Variants in COL24A1 observed in about 807,000 individuals in gnomAD.
The protein encoded by COL24A1 is collagen alpha-1(XXIV) chain.
In COL24A1, 224 loss-of-function variants were observed where a neutral mutation model predicts 253.9. The ratio of observed to expected loss-of-function variants is 0.88; its 90% confidence interval spans 0.79 to 0.99. The LOEUF (loss-of-function observed/expected upper bound fraction) is 0.99, where lower values mean the gene tolerates loss of function less well. Ranked by LOEUF, COL24A1 falls within the 50% of genes least tolerant of loss-of-function variation. The pLI is 0.00. For synonymous variants in COL24A1, 685 were observed against 673.7 expected (o/e 1.02, Z -0.26); for missense variants, 2,131 against 2,068.5 (o/e 1.03, Z -0.59).
intron 1 of COL24A1, among the ~76,000 whole-genome samples, chr1:86,148,050 C>A (rs961052923): frequency 1.3e-5 from 2 of 152,180 alleles, no homozygotes; most frequent in African/African-American, 4.8e-5. Flanking sequence ...CGCTACTGAT[C>A]TGGGACTACA....
At chr1:85,732,105 A>G (rs956813125) in intron 59 of COL24A1, among the ~76,000 whole-genome samples, 6 of 152,216 alleles carry the variant, frequency 3.9e-5, no homozygotes, top group African/African-American at 1.4e-4. Flanking sequence ...CACATATAAA[A>G]TGGGAATAAT....
chr1:86,146,952 A>C (rs1651966707), intron 1 of COL24A1, among the ~76,000 whole-genome samples: 1 of 152,124 alleles, frequency 6.6e-6, no homozygotes, highest in Non-Finnish European at 1.5e-5. Flanking sequence ...CTCCAAAATG[A>C]AAATTACAGA....
At chr1:86,090,090 G>A (rs933281355) in intron 6 of COL24A1, among the ~76,000 whole-genome samples, 7 of 152,114 alleles carry the variant, frequency 4.6e-5, no homozygotes, top group African/African-American at 1.7e-4. Flanking sequence ...AGTAACGAGC[G>A]AAAATTGATT....
rs1200287254 is a variant in COL24A1 at position 85,948,478 on chromosome 1, C to A, written c.2562+12771G>T. 2.2e-5 allele frequency among the ~76,000 whole-genome samples: 3 copies of A among 138,528 alleles called. No individual in the cohort carries two copies. The East Asian group carries it at 6.4e-4, about 30-fold the overall frequency. 90.9% of individuals were successfully genotyped at this position (138,528 alleles called of 152,430 possible). ...GGCGGAGCTTGCAGTGAGCCGAGAT[C>A]GCGCCACTGCACTCCAGCCTGGGCG... On this transcript the variant is annotated intron_variant, in intron 24 of 59. Transcript: ENST00000370571.
chr1:86,014,203 T>C (rs1222185436), intron 19 of COL24A1, among the ~76,000 whole-genome samples: 1 of 152,232 alleles, frequency 6.6e-6, no homozygotes. Context: ...TTCGTTCTCA[T>C]TCACTTCTAA....
chr1:86,075,715 C>T (rs1416600200), intron 7 of COL24A1, among the ~76,000 whole-genome samples: 4 of 152,142 alleles, frequency 2.6e-5, no homozygotes, highest in African/African-American at 9.7e-5. Context: ...CAGCTTCATC[C>T]CTAGGATGCA....
intron 45 of COL24A1, among the ~76,000 whole-genome samples, chr1:85,819,467 T>C (rs1673380036): frequency 6.6e-6 from 1 of 152,172 alleles, no homozygotes; most frequent in Admixed American, 6.5e-5. Context: ...CAAAATAGAC[T>C]TTTCCTTGGC....
At chr1:86,115,802 T>C (rs970011392) in intron 3 of COL24A1, among the ~76,000 whole-genome samples, 1 of 152,224 alleles carries the variant, frequency 6.6e-6, no homozygotes, top group African/African-American at 2.4e-5. Flanking sequence ...CCATTTTATG[T>C]ACTTTTAAAA....
intron 12 of COL24A1, among the ~76,000 whole-genome samples, chr1:86,034,991 A>C (rs1382475300): frequency 6.6e-6 from 1 of 152,196 alleles, no homozygotes; most frequent in Non-Finnish European, 1.5e-5. Context: ...TACATAGGCA[A>C]GTCAGTATTA....
intron 2 of COL24A1, among the ~76,000 whole-genome samples, chr1:86,130,322 A>C (rs1002808793): frequency 2.0e-5 from 3 of 151,886 alleles, no homozygotes; most frequent in African/African-American, 4.8e-5. Flanking sequence ...GTTTTCTTTG[A>C]ATGTATAAAC....
intron 37 of COL24A1, among the ~76,000 whole-genome samples, chr1:85,860,475 C>T (rs1679014385): frequency 6.6e-6 from 1 of 152,202 alleles, no homozygotes. Flanking sequence ...GGCACAGTGG[C>T]TCACGCCTGT....
intron 24 of COL24A1, among the ~76,000 whole-genome samples, chr1:85,916,682 C>T (rs935496077): frequency 1.3e-5 from 2 of 151,954 alleles, no homozygotes; most frequent in African/African-American, 2.4e-5. Context: ...AAAAGAAAAA[C>T]GTACTATTTC....
At chr1:85,786,065 C>G (rs1021854578) in intron 48 of COL24A1, among the ~76,000 whole-genome samples, 2 of 152,116 alleles carry the variant, frequency 1.3e-5, no homozygotes, top group Admixed American at 6.5e-5. Context: ...GAGGAGAAGA[C>G]AGATGACAGA....
rs186376205 is a variant in COL24A1, at chr1:85,913,070, C to T, written c.2563-1637G>A. On this transcript the variant is annotated intron_variant, in intron 24 of 59. Coordinates refer to ENST00000370571, the MANE Select transcript of COL24A1 (RefSeq NM_152890.7). ...GACAGCCCTGATGTATACTTTTAGG[C>T]ACTATGCTAATATTATTGCTTAAAT... Among the ~76,000 whole-genome samples, 150 of 152,208 alleles carry T rather than the reference C, an allele frequency of 9.9e-4. 1 individual carries two copies. The highest frequency in any genetic ancestry group is 1.7e-3 in the Non-Finnish European group (117 of 68,022).
intron 28 of COL24A1, among the ~76,000 whole-genome samples, chr1:85,899,482 A>G (rs571211171): frequency 6.6e-6 from 1 of 152,262 alleles, no homozygotes; most frequent in African/African-American, 2.4e-5. Flanking sequence ...GGAGTAGTGG[A>G]AGATAAGGAG....
chr1:85,953,687 G>A (rs1052402015), intron 24 of COL24A1, among the ~76,000 whole-genome samples: 3 of 152,046 alleles, frequency 2.0e-5, no homozygotes, highest in Admixed American at 1.3e-4. Flanking sequence ...ATAAGTACAC[G>A]ATGAAGAAAA....
intron 19 of COL24A1, among the ~76,000 whole-genome samples, chr1:86,016,871 C>T (rs1697038840): frequency 6.6e-6 from 1 of 152,080 alleles, no homozygotes; most frequent in African/African-American, 2.4e-5. Context: ...AAATTTGGTT[C>T]CAAGCCTCAA....
intron 7 of COL24A1, among the ~76,000 whole-genome samples, 176 bp from the exon 8 acceptor site, chr1:86,063,935 CTTT>C (rs1557459371): frequency 6.6e-6 from 1 of 151,550 alleles, no homozygotes; most frequent in African/African-American, 2.4e-5. Context: ...ATAAGAATTA[CTTT>C]TTTATTAAAT....
intron 14 of COL24A1, chr1:86,030,223 G>A (rs963916747): frequency 6.6e-6 from 1 of 152,182 alleles, no homozygotes; most frequent in Non-Finnish European, 1.5e-5. Flanking sequence ...AGCCATGGAA[G>A]AAAAACATCC....
Sources: gnomAD v4.1 joint callset for allele counts (sites outside exome capture counted in the v4.1 genomes callset) on GRCh38, gnomAD v4.1.1 for gene constraint, MANE v1.5 for transcripts, NCBI Gene and HGNC (gene_info 2026-07-23, HGNC 2026-07-21) for gene names.